CLDN12: variants seen among roughly 807,000 people sequenced by gnomAD.
CLDN12 encodes claudin-12.
A neutral mutation model predicts 15.5 loss-of-function variants in CLDN12; 9 were observed. The observed-to-expected ratio is 0.58, with a 90% confidence interval of 0.35 to 1.02. The LOEUF (loss-of-function observed/expected upper bound fraction) is 1.02, where lower values mean the gene tolerates loss of function less well. Among genes scored for constraint, CLDN12 ranks in the 50% least tolerant of loss-of-function variants. The pLI, the probability that CLDN12 is intolerant of heterozygous loss-of-function variation, is 0.02. For synonymous variants in CLDN12, 140 were observed against 121.6 expected, an observed-to-expected ratio of 1.15 and a Z score of -1.00; for missense variants, 233 against 297.3, an observed-to-expected ratio of 0.78 and a Z score of 1.59.
At chr7:90,409,726 G>A (rs1022976484) in intron 2 of CLDN12, among the ~76,000 whole-genome samples, 9 of 152,074 alleles carry the variant, frequency 5.9e-5, no homozygotes, top group African/African-American at 2.2e-4. Flanking sequence ...TATTCACTTT[G>A]CTTAACACCT....
rs928487682 is a variant in CLDN12, at chr7:90,414,581, T to A, written c.*1170T>A. The A allele has an allele frequency of 7.6e-5, 14 of 185,306 alleles. No homozygotes were observed. The Admixed American group carries it at 9.2e-4, about 12-fold the overall frequency. 11.5% of individuals were successfully genotyped at this position (185,306 alleles called of 1,614,324 possible). A position where few individuals can be genotyped will look rare whatever the true frequency, so the allele number is the denominator to read the frequency against. On this transcript the variant is annotated 3_prime_UTR_variant, in exon 4 of 4. Coordinates refer to ENST00000496677, the MANE Select transcript of CLDN12 (RefSeq NM_001185072.3). The stretch of plus-strand genomic sequence containing the variant: ...TTGGCAGTTGGCCTTAACTTCTTAA[T>A]CATTGATCCAGGAATATTTCAACCA...
At chr7:90,405,089 ATC>A (rs1562967356) in intron 1 of CLDN12, among the ~76,000 whole-genome samples, 1 of 151,836 alleles carries the variant, frequency 6.6e-6, no homozygotes, top group African/African-American at 2.4e-5. Context: ...TTGAGCCAGA[ATC>A]TCTCTCTGTC....
At position 90,415,593 on chromosome 7, in the gene CLDN12, G is replaced by A. The variant is rs1331761043; in HGVS notation, c.*2182G>A. 1 of 166,746 alleles carries A rather than the reference G, an allele frequency of 6.0e-6. No homozygotes were observed. The highest frequency in any genetic ancestry group is 1.5e-5 in the Non-Finnish European group (1 of 68,074). 10.3% of individuals were successfully genotyped at this position (166,746 alleles called of 1,614,324 possible). On this transcript the variant is annotated 3_prime_UTR_variant, in exon 4 of 4. Coordinates refer to ENST00000496677, the MANE Select transcript of CLDN12 (RefSeq NM_001185072.3). Reference sequence around the variant, plus strand: ...GTTTCCTTATTGTCTTTTTTCTTTAGTGTTTCTGATTTGCTATCAGTAGCT... The same window carrying A: ...GTTTCCTTATTGTCTTTTTTCTTTAATGTTTCTGATTTGCTATCAGTAGCT...
At chr7:90,404,889 TA>T (rs1357197281) in intron 1 of CLDN12, among the ~76,000 whole-genome samples, 18 of 151,182 alleles carry the variant, frequency 1.2e-4, no homozygotes, top group African/African-American at 2.4e-4. Flanking sequence ...ACAGCCTTTT[TA>T]TTTTTTTTTT....
At chr7:90,408,946 G>C (rs1014544247) in intron 2 of CLDN12, 4 of 151,202 alleles carry the variant, frequency 2.6e-5, no homozygotes, top group Non-Finnish European at 5.9e-5. Context: ...TTTTTTTGTA[G>C]AGATGGGGTC....
intron 1 of CLDN12, among the ~76,000 whole-genome samples, chr7:90,403,993 A>G (rs888940431): frequency 1.5e-5 from 2 of 136,670 alleles, no homozygotes; most frequent in African/African-American, 5.4e-5. Flanking sequence ...TCTACCACAC[A>G]CAGGGCTCTT....
In CLDN12 at chr7:90,414,158, A is replaced by C; in HGVS notation, c.*747A>C. The C allele has an allele frequency of 1.4e-5, 14 of 1,000,006 alleles. No homozygotes were observed. Among genetic ancestry groups the C allele is most frequent in the Non-Finnish European group, 1.7e-5 (14 of 829,970 alleles). 61.9% of individuals were successfully genotyped at this position (1,000,006 alleles called of 1,614,324 possible). Reference sequence around the variant, plus strand: ...TGAGGCAGAAAACTCTTTTTTGGAGATATCTTCCATCAAGCAGTACTCGTG... The same window carrying C: ...TGAGGCAGAAAACTCTTTTTTGGAGCTATCTTCCATCAAGCAGTACTCGTG... On this transcript the variant is annotated 3_prime_UTR_variant, in exon 4 of 4. Transcript: ENST00000496677.
chr7:90,410,559 C>T (rs559204975), intron 2 of CLDN12, among the ~76,000 whole-genome samples: 24 of 152,268 alleles, frequency 1.6e-4, no homozygotes, highest in African/African-American at 5.8e-4. Flanking sequence ...CGCAGTTGCT[C>T]ATGACTATAA....
At chr7:90,410,634 C>A (rs941964699) in intron 2 of CLDN12, among the ~76,000 whole-genome samples, 8 of 151,934 alleles carry the variant, frequency 5.3e-5, no homozygotes, top group Admixed American at 2.6e-4. Flanking sequence ...GCCAGGAGTT[C>A]GAGACCAGCC....
In CLDN12 at chr7:90,413,071, G is replaced by A; in HGVS notation, c.395G>A (p.Cys132Tyr). 1 of 1,614,208 alleles carries A rather than the reference G, an allele frequency of 6.2e-7. No homozygotes were observed. Among genetic ancestry groups the A allele is most frequent in the Non-Finnish European group, 8.5e-7 (1 of 1,180,038 alleles). ...AAGTGTCTGGTCAATAGTGCAGGTT[G>A]CCACCTGGTGGCTGGGCTGCTATTT... ...LAKCLVNSAG[C>Y]HLVAGLLFFL... is the part of the protein sequence containing the mutation. The change falls in exon 4 of 4, where the codon TGC (cysteine) becomes TAC (tyrosine). Residue 132 changes from cysteine to tyrosine, a missense_variant. By Grantham distance (194) the Cys-to-Tyr change is radical. Transcript: ENST00000496677.
chr7:90,407,364 G>A (rs902862950), intron 2 of CLDN12, among the ~76,000 whole-genome samples: 3 of 152,150 alleles, frequency 2.0e-5, no homozygotes. Context: ...TAAAATGGGA[G>A]TCTTTTGGCC....
At chr7:90,412,609 C>T (rs1429568132) in intron 3 of CLDN12, 35 bp from the exon 4 acceptor site, 12 of 1,528,074 alleles carry the variant, frequency 7.9e-6, no homozygotes, top group Admixed American at 3.7e-5. Flanking sequence ...GCTATTGTCC[C>T]CTCATGATTT....
chr7:90,408,623 C>T (rs11563429), intron 2 of CLDN12, among the ~76,000 whole-genome samples: 10,824 of 152,186 alleles, frequency 0.071, 415 homozygotes, highest in South Asian at 0.17. Context: ...GACATTAATT[C>T]CAGTATCAGG....
intron 2 of CLDN12, among the ~76,000 whole-genome samples, chr7:90,410,794 C>A (rs1356420967): frequency 6.6e-6 from 1 of 151,958 alleles, no homozygotes; most frequent in Non-Finnish European, 1.5e-5. Flanking sequence ...CCCAGGAGTT[C>A]GAGACCAGCC....
In CLDN12 at chr7:90,413,278, C is replaced by A. The variant is rs767199576; in HGVS notation, c.602C>A (p.Ser201Tyr). 6.2e-7 allele frequency: 1 copy of A among 1,614,204 alleles called. No individual in the cohort carries two copies. The highest frequency in any genetic ancestry group is 8.5e-7 in the Non-Finnish European group (1 of 1,180,020). The stretch of plus-strand genomic sequence containing the variant: ...TTTATTTGGTATTGTACATGCAAAT[C>A]TTTGCCTTCTCCTTTCTGGCAACCA... ...ILFIWYCTCK[S>Y]LPSPFWQPLY... The change falls in exon 4 of 4, where the codon TCT (serine) becomes TAT (tyrosine). Residue 201 changes from serine (S) to tyrosine (Y), a missense_variant. Physicochemically the swap from Ser to Tyr is moderately radical, Grantham distance 144. Coordinates refer to ENST00000496677, the MANE Select transcript of CLDN12 (RefSeq NM_001185072.3).
intron 2 of CLDN12, among the ~76,000 whole-genome samples, chr7:90,407,576 C>T (rs1796863570): frequency 6.6e-6 from 1 of 152,064 alleles, no homozygotes; most frequent in Non-Finnish European, 1.5e-5. Context: ...GTATAGGGAA[C>T]AGTGAACAAA....
chr7:90,405,451 A>G (rs2115862913), intron 1 of CLDN12, 68 bp from the exon 2 acceptor site: 1 of 152,186 alleles, frequency 6.6e-6, no homozygotes, highest in East Asian at 1.9e-4. Context: ...CTTCTAATCC[A>G]TGGGAATTCA....
rs777642503 is a variant in CLDN12 at position 90,412,653 on chromosome 7, C to G, written c.-24C>G. ...GTGTGTCACCCCCTAGTCTGACTGA[C>G]AGTACTCCACAAGCTTGCCTGCCAT... is the stretch of plus-strand genomic sequence containing the variant. On this transcript the variant is annotated 5_prime_UTR_variant, in exon 4 of 4. Transcript: ENST00000496677. The G allele has an allele frequency of 4.4e-6, 7 of 1,596,820 alleles. No individual in the cohort carries two copies. In the African/African-American group the frequency reaches 9.4e-5, roughly 21 times the overall value.
In CLDN12 at chr7:90,412,891, CTACTTGG is replaced by C. The variant is rs1796995497; in HGVS notation, c.220_226del (p.Trp74HisfsTer20). 1 of 1,614,122 alleles carries C rather than the reference CTACTTGG, an allele frequency of 6.2e-7. No homozygotes were observed. The highest frequency in any genetic ancestry group is 8.5e-7 in the Non-Finnish European group (1 of 1,180,058). ...AGCAGTGACTGCCTGATGTACGACA[CTACTTGG>C]TACTCATCAGTTGACCAGCTGGACC... On this transcript the variant is annotated frameshift_variant, in exon 4 of 4. Transcript: ENST00000496677. LOFTEE classifies it high-confidence loss of function.
Sources: gnomAD v4.1 joint callset for allele counts (sites outside exome capture counted in the v4.1 genomes callset) on GRCh38, gnomAD v4.1.1 for gene constraint, MANE v1.5 for transcripts, NCBI Gene and HGNC (gene_info 2026-07-23, HGNC 2026-07-21) for gene names.